Variants in DDR2 observed in about 807,000 individuals in gnomAD.
DDR2 encodes the protein discoidin domain receptor tyrosine kinase 2.
In DDR2, 27 loss-of-function variants were observed where a neutral mutation model predicts 94.9. The ratio of observed to expected loss-of-function variants is 0.28; its 90% CI spans 0.21 to 0.39. DDR2 has a LOEUF of 0.39. Among genes scored for constraint, DDR2 ranks in the 10% least tolerant of loss-of-function variants. The pLI, the probability that DDR2 is intolerant of heterozygous loss-of-function variation, is 1.00. For synonymous variants in DDR2, 382 were observed against 377.2 expected (o/e 1.01, Z -0.15); for missense variants, 783 against 1,076.0 (o/e 0.73, Z 3.81).
chr1:162,779,550 A>G (rs1647783036), intron 17 of DDR2, among the ~76,000 whole-genome samples: 1 of 152,196 alleles, frequency 6.6e-6, no homozygotes, highest in Admixed American at 6.5e-5. Context: ...GACAAGAGAT[A>G]ATACATTATG....
chr1:162,685,595 TGAG>T (rs1030718925), intron 2 of DDR2, among the ~76,000 whole-genome samples: 1 of 151,664 alleles, frequency 6.6e-6, no homozygotes, highest in Non-Finnish European at 1.5e-5. Flanking sequence ...ACCTGCACAC[TGAG>T]GAGGCTGAAC....
At chr1:162,770,692 T>A (rs377765311) in intron 12 of DDR2, 180 bp downstream of exon 12, 1 of 736,090 alleles carries the variant, frequency 1.4e-6, no homozygotes, top group Non-Finnish European at 2.5e-6. Flanking sequence ...TGAGCAACTC[T>A]CCTTTGCTAC....
intron 2 of DDR2, among the ~76,000 whole-genome samples, chr1:162,718,401 C>CAT (rs1430215011): frequency 6.6e-6 from 1 of 152,184 alleles, no homozygotes; most frequent in South Asian, 2.1e-4. Context: ...GCGGATGGAA[C>CAT]ATATGTGTGT....
At chr1:162,734,652 A>G (rs1023384992) in intron 3 of DDR2, among the ~76,000 whole-genome samples, 2 of 152,126 alleles carry the variant, frequency 1.3e-5, no homozygotes, top group African/African-American at 2.4e-5. Context: ...AGGAGGGAGG[A>G]TGCACATCCC....
intron 11 of DDR2, among the ~76,000 whole-genome samples, chr1:162,769,728 G>A (rs1478522579): frequency 6.6e-6 from 1 of 152,194 alleles, no homozygotes; most frequent in African/African-American, 2.4e-5. Flanking sequence ...CTTATTAGGT[G>A]TAAGTCACAT....
At position 162,767,234 on chromosome 1, in the gene DDR2, A is replaced by T; in HGVS notation, c.1168A>T (p.Met390Leu). Residue 390 changes from methionine (M) to leucine (L), a missense_variant, in exon 11 of 18, where the codon ATG (methionine) becomes TTG (leucine). Met to Leu is a conservative substitution (Grantham distance 15, BLOSUM62 2). Transcript: ENST00000367921. Reference protein sequence around the residue: ...SPMAPTTYDPMLKVDDSNTRI... With the variant: ...SPMAPTTYDPLLKVDDSNTRI... ...CCTTCTCTCCCTGGTCACAGATCCAATGCTTAAAGTTGATGACAGCAACAC... is the reference window on the plus strand; with the variant it reads ...CCTTCTCTCCCTGGTCACAGATCCATTGCTTAAAGTTGATGACAGCAACAC... The T allele has an allele frequency of 6.2e-7, 1 of 1,614,016 alleles. No homozygotes were observed. The highest frequency in any genetic ancestry group is 8.5e-7 in the Non-Finnish European group (1 of 1,179,962).
At chr1:162,740,994 T>C (rs540578042) in intron 3 of DDR2, among the ~76,000 whole-genome samples, 64 of 152,044 alleles carry the variant, frequency 4.2e-4, no homozygotes, top group Non-Finnish European at 7.4e-4. Context: ...TAAAGTCTGG[T>C]GTATTGGGAC....
At chr1:162,729,531 T>C (rs899638844) in intron 3 of DDR2, among the ~76,000 whole-genome samples, 19 of 147,312 alleles carry the variant, frequency 1.3e-4, no homozygotes, top group Admixed American at 1.1e-3. Flanking sequence ...TTATGCAACT[T>C]TTTTTTTCTT....
At chr1:162,755,528 T>C in intron 6 of DDR2, 136 bp from the exon 7 acceptor site, 2 of 1,045,854 alleles carry the variant, frequency 1.9e-6, no homozygotes, top group Admixed American at 3.7e-5. Flanking sequence ...GGGGCACTCC[T>C]CCAAAGTCTT....
intron 1 of DDR2, among the ~76,000 whole-genome samples, chr1:162,638,395 T>G (rs999620322): frequency 2.2e-4 from 33 of 152,206 alleles, no homozygotes; most frequent in African/African-American, 7.5e-4. Flanking sequence ...ATTATGGCTA[T>G]CGTTCTATGT....
chr1:162,654,218 G>A (rs1348921610), intron 1 of DDR2, among the ~76,000 whole-genome samples: 1 of 152,182 alleles, frequency 6.6e-6, no homozygotes, highest in Non-Finnish European at 1.5e-5. Context: ...TGGGAGGATC[G>A]CTTGATTGCC....
intron 3 of DDR2, among the ~76,000 whole-genome samples, chr1:162,733,049 T>G (rs530298025): frequency 6.6e-6 from 1 of 152,162 alleles, no homozygotes; most frequent in Non-Finnish European, 1.5e-5. Flanking sequence ...TCCGGGAGAT[T>G]GGTGGGTAGC....
At chr1:162,774,569 T>C (rs1647420138) in intron 14 of DDR2, among the ~76,000 whole-genome samples, 1 of 152,178 alleles carries the variant, frequency 6.6e-6, no homozygotes, top group East Asian at 1.9e-4. Context: ...GAATAAAAAG[T>C]GACATTCTCT....
chr1:162,746,599 C>G (rs1214421575), intron 3 of DDR2, among the ~76,000 whole-genome samples: 1 of 152,222 alleles, frequency 6.6e-6, no homozygotes, highest in Non-Finnish European at 1.5e-5. Context: ...ACGTCCCTGT[C>G]TGACAGCTTT....
chr1:162,653,308 G>A (rs1029942225), intron 1 of DDR2, among the ~76,000 whole-genome samples: 4 of 152,172 alleles, frequency 2.6e-5, no homozygotes, highest in African/African-American at 9.6e-5. Flanking sequence ...CGGGCATGGT[G>A]GCTTGTGCCT....
chr1:162,674,152 A>T (rs556583820), intron 2 of DDR2, among the ~76,000 whole-genome samples: 1 of 152,196 alleles, frequency 6.6e-6, no homozygotes, highest in South Asian at 2.1e-4. Flanking sequence ...TTGCTTTTCT[A>T]TTCTTCCCAA....
At chr1:162,667,846 C>T (rs1489896509) in intron 2 of DDR2, among the ~76,000 whole-genome samples, 1 of 152,208 alleles carries the variant, frequency 6.6e-6, no homozygotes, top group Non-Finnish European at 1.5e-5. Context: ...CCTTAATTGT[C>T]ATCTTCCTCA....
chr1:162,768,802 G>A (rs187760764), intron 11 of DDR2, among the ~76,000 whole-genome samples: 34 of 152,254 alleles, frequency 2.2e-4, no homozygotes, highest in Admixed American at 2.0e-3. Flanking sequence ...CTTTCAATTC[G>A]CAAATAGCAA....
At chr1:162,656,547 A>G (rs961945579) in intron 2 of DDR2, among the ~76,000 whole-genome samples, 6 of 151,544 alleles carry the variant, frequency 4.0e-5, no homozygotes, top group Non-Finnish European at 8.8e-5. Flanking sequence ...TTGCCTTCAA[A>G]TTTGCCTTTT....
Sources: gnomAD v4.1 joint callset for allele counts (sites outside exome capture counted in the v4.1 genomes callset) on GRCh38, gnomAD v4.1.1 for gene constraint, MANE v1.5 for transcripts, NCBI Gene and HGNC (gene_info 2026-07-23, HGNC 2026-07-21) for gene names.